LRRC74A: variants seen among roughly 807,000 people sequenced by gnomAD.
The protein encoded by LRRC74A is leucine rich repeat containing 74A, also known as leucine-rich repeat-containing protein 74A.
In LRRC74A, 44 loss-of-function variants were observed where a neutral mutation model predicts 57.9. That is an observed-to-expected ratio of 0.76 (90% confidence interval 0.60 to 0.98). The LOEUF (loss-of-function observed/expected upper bound fraction) is 0.98. LRRC74A is among the 50% of genes least tolerant of loss of function. The pLI is 0.00. For synonymous variants in LRRC74A, 211 were observed against 219.4 expected (o/e 0.96, Z 0.34); for missense variants, 572 against 574.0 (o/e 1.00, Z 0.04).
chr14:76,857,371 C>T lies in LRRC74A; in HGVS notation c.958-9C>T. Reference sequence around the variant, plus strand: ...TCAGCCTCCTCTTGTCTTGATTCTCCCTCTATAGCTTTTCCTGAATCCCAT... The same window carrying T: ...TCAGCCTCCTCTTGTCTTGATTCTCTCTCTATAGCTTTTCCTGAATCCCAT... On this transcript the variant is annotated splice_polypyrimidine_tract_variant and intron_variant, in intron 9 of 13. Transcript: ENST00000689127. 1.3e-6 allele frequency: 2 copies of T among 1,555,314 alleles called. No individual in the cohort carries two copies. The highest frequency in any genetic ancestry group is 1.7e-6 in the Non-Finnish European group (2 of 1,144,018).
At chr14:76,834,279 C>T (rs1896168761) in intron 3 of LRRC74A, among the ~76,000 whole-genome samples, 1 of 152,186 alleles carries the variant, frequency 6.6e-6, no homozygotes, top group Admixed American at 6.5e-5. Context: ...TAGGAACGCA[C>T]CATTACCTCA....
chr14:76,827,885 C>A (rs927696851), intron 1 of LRRC74A, among the ~76,000 whole-genome samples: 2 of 152,112 alleles, frequency 1.3e-5, no homozygotes, highest in African/African-American at 4.8e-5. Flanking sequence ...TACTCCCTGG[C>A]ACCATTTGTG....
chr14:76,845,734 C>T (rs1347839791), intron 7 of LRRC74A, among the ~76,000 whole-genome samples: 1 of 152,194 alleles, frequency 6.6e-6, no homozygotes, highest in Non-Finnish European at 1.5e-5. Flanking sequence ...AAAAGACAAG[C>T]AACAGGCTGG....
chr14:76,864,567 T>C (rs1898617201), intron 11 of LRRC74A, among the ~76,000 whole-genome samples: 1 of 152,058 alleles, frequency 6.6e-6, no homozygotes, highest in Non-Finnish European at 1.5e-5. Context: ...ATTGTAATAT[T>C]GTAAGGCCGG....
At chr14:76,844,307 C>T (rs1272049443) in intron 5 of LRRC74A, 116 bp from the exon 6 acceptor site, 3 of 971,942 alleles carry the variant, frequency 3.1e-6, no homozygotes, top group Admixed American at 2.1e-5. Flanking sequence ...CTGGCCCCTA[C>T]CACCTTTTTT....
Position 76,867,290 on chromosome 14 carries a change from G to A in LRRC74A, c.1309-66G>A, listed in dbSNP as rs1231618056. 2.7e-5 allele frequency: 14 copies of A among 521,370 alleles called. No homozygotes were observed. In the East Asian group the frequency reaches 4.8e-4, roughly 18 times the overall value. The allele number at this position is 521,370 out of a possible 1,614,324, so 32.3% of individuals were successfully genotyped here. On this transcript the variant is annotated intron_variant, in intron 12 of 13. Transcript: ENST00000689127. Reference sequence around the variant, plus strand: ...TGTGTTGGGGGGGTAGTGTGTTTGGGGGGGTGTGCCTAGGGAGGGGTGAAC... The same window carrying A: ...TGTGTTGGGGGGGTAGTGTGTTTGGAGGGGTGTGCCTAGGGAGGGGTGAAC...
In LRRC74A at chr14:76,837,922, A is replaced by C; in HGVS notation, c.495A>C (p.Ser165=). The change falls in exon 5 of 14, where the codon TCA becomes TCC. Residue 165 remains serine (S), a synonymous_variant. Coordinates refer to ENST00000689127, the MANE Select transcript of LRRC74A (RefSeq NM_001385106.1). ...HLGLEGARII[S]DFFERNSSSI... ...GTTTGGAGGGGGCCAGAATCATCTC[A>C]GATTTCTTTGAGAGAAACAGTTCTT... 6.3e-7 allele frequency: 1 copy of C among 1,592,064 alleles called. No homozygotes were observed. Among genetic ancestry groups the C allele is most frequent in the Non-Finnish European group, 8.6e-7 (1 of 1,167,902 alleles).
intron 12 of LRRC74A, among the ~76,000 whole-genome samples, chr14:76,866,278 T>G (rs1339972922): frequency 6.6e-6 from 1 of 152,104 alleles, no homozygotes; most frequent in Non-Finnish European, 1.5e-5. Context: ...CTGAAGTCAT[T>G]CCTGTGCTGT....
At position 76,853,203 on chromosome 14, in the gene LRRC74A, C is replaced by A. The variant is rs766035309; in HGVS notation, c.763-13C>A. 2 of 1,598,088 alleles carry A rather than the reference C, an allele frequency of 1.3e-6. No individual in the cohort carries two copies. The highest frequency in any genetic ancestry group is 1.7e-6 in the Non-Finnish European group (2 of 1,166,044). On this transcript the variant is annotated splice_polypyrimidine_tract_variant and intron_variant, in intron 8 of 13. Transcript: ENST00000689127. ...AACCTTGATGCTGGTGCTGTTCTCCCCTCTTCCTGGAGGGTAATGTGACCC... is the reference window on the plus strand; with the variant it reads ...AACCTTGATGCTGGTGCTGTTCTCCACTCTTCCTGGAGGGTAATGTGACCC...
At chr14:76,859,600 C>A (rs1898145882) in intron 10 of LRRC74A, among the ~76,000 whole-genome samples, 1 of 148,138 alleles carries the variant, frequency 6.8e-6, no homozygotes, top group South Asian at 2.1e-4. Context: ...GCCCATAAAC[C>A]CGTAAGCTGT....
At chr14:76,847,687 TTA>T (rs1491114350) in intron 7 of LRRC74A, among the ~76,000 whole-genome samples, 41 of 146,258 alleles carry the variant, frequency 2.8e-4, no homozygotes, top group African/African-American at 1.1e-3. Context: ...AACTTAAAAT[TTA>T]AAAAAAAAAA....
intron 11 of LRRC74A, among the ~76,000 whole-genome samples, chr14:76,862,762 A>C (rs1480607223): frequency 6.6e-6 from 1 of 152,154 alleles, no homozygotes; most frequent in Non-Finnish European, 1.5e-5. Flanking sequence ...AAAGGTGCTG[A>C]GGTGGAACCG....
chr14:76,851,929 G>T (rs918022918), intron 7 of LRRC74A, among the ~76,000 whole-genome samples: 2 of 152,142 alleles, frequency 1.3e-5, no homozygotes, highest in Non-Finnish European at 2.9e-5. Flanking sequence ...CTCCCAAAGT[G>T]CTGGGATTAC....
chr14:76,833,247 A>G (rs910327849), intron 3 of LRRC74A, among the ~76,000 whole-genome samples: 6 of 152,106 alleles, frequency 3.9e-5, no homozygotes, highest in Non-Finnish European at 7.4e-5. Context: ...CTGTGCGTCC[A>G]TGTCTATTCA....
At chr14:76,857,550 C>CTCTGGCCAACA in intron 10 of LRRC74A, 75 bp downstream of exon 10, 6 of 1,056,848 alleles carry the variant, frequency 5.7e-6, no homozygotes, top group Non-Finnish European at 7.1e-6. Flanking sequence ...TCTGTGTTGG[C>CTCTGGCCAACA]CAGAGCCAAC....
intron 10 of LRRC74A, among the ~76,000 whole-genome samples, chr14:76,858,308 G>A (rs1487618594): frequency 1.3e-5 from 2 of 152,150 alleles, no homozygotes; most frequent in African/African-American, 2.4e-5. Flanking sequence ...GATGGTTCCT[G>A]TCATGCTTTG....
At chr14:76,837,722 C>T (rs879749614) in intron 4 of LRRC74A, among the ~76,000 whole-genome samples, 153 bp from the exon 5 acceptor site, 1 of 152,114 alleles carries the variant, frequency 6.6e-6, no homozygotes, top group South Asian at 2.1e-4. Flanking sequence ...CCCTTCTCTT[C>T]GTCCTTGGCA....
intron 5 of LRRC74A, among the ~76,000 whole-genome samples, chr14:76,841,095 G>C (rs950227538): frequency 6.6e-5 from 10 of 152,292 alleles, no homozygotes; most frequent in Middle Eastern, 3.4e-3. Context: ...AGGCTGGAGT[G>C]CAGTGGTGCC....
intron 2 of LRRC74A, chr14:76,828,620 C>A (rs531888715): frequency 1.4e-6 from 1 of 730,194 alleles, no homozygotes; most frequent in Non-Finnish European, 2.4e-6. Context: ...CAGCTTCCCA[C>A]GCTTGTCACC....
Sources: allele counts gnomAD v4.1 joint callset (sites outside exome capture counted in the v4.1 genomes callset), GRCh38; gene constraint gnomAD v4.1.1; transcripts MANE v1.5; gene names NCBI Gene and HGNC (gene_info 2026-07-23, HGNC 2026-07-21).